Variants in EVL observed in about 807,000 individuals in gnomAD.
EVL encodes the protein Enah/Vasp-like.
EVL carries 21 observed loss-of-function variants against 59.6 expected under a neutral mutation model. The observed-to-expected ratio is 0.35, with a 90% CI of 0.25 to 0.51. EVL has a LOEUF of 0.51. Among genes scored for constraint, EVL ranks in the 20% least tolerant of loss-of-function variants. The pLI is 0.97. For missense variants in EVL, 462 were observed against 546.6 expected (o/e 0.85, Z 1.54); for synonymous variants, 198 against 203.5 (o/e 0.97, Z 0.23).
At chr14:99,975,604 G>T (rs900574022) in intron 1 of EVL, among the ~76,000 whole-genome samples, 5 of 152,186 alleles carry the variant, frequency 3.3e-5, no homozygotes, top group African/African-American at 1.2e-4. Flanking sequence ...GATCATCAGG[G>T]ATTAGCTTCT....
At chr14:100,011,739 AG>A (rs1437003767) in intron 1 of EVL, among the ~76,000 whole-genome samples, 4 of 152,224 alleles carry the variant, frequency 2.6e-5, no homozygotes, top group African/African-American at 9.6e-5. Context: ...TCACGTGGAT[AG>A]TAAGTTGCTC....
intron 4 of EVL, among the ~76,000 whole-genome samples, chr14:100,124,762 C>T (rs867831585): frequency 7.2e-5 from 11 of 152,176 alleles, no homozygotes; most frequent in Admixed American, 6.5e-4. Context: ...TCATTTCTCT[C>T]GAAACTGCTT....
chr14:99,983,490 T>C (rs1200684999), intron 1 of EVL, among the ~76,000 whole-genome samples: 5 of 152,174 alleles, frequency 3.3e-5, no homozygotes, highest in African/African-American at 9.7e-5. Flanking sequence ...AAAGAGACAG[T>C]GGACCTTACA....
chr14:100,124,239 T>G (rs1444329890), intron 4 of EVL, among the ~76,000 whole-genome samples: 2 of 152,178 alleles, frequency 1.3e-5, no homozygotes, highest in Non-Finnish European at 2.9e-5. Context: ...GGCCCGGGCC[T>G]TCCTCACTCA....
chr14:100,065,110 A>C (rs201051285), upstream of EVL, among the ~76,000 whole-genome samples: 1 of 92,380 alleles, frequency 1.1e-5, no homozygotes, highest in African/African-American at 3.3e-5. Context: ...GACTTAGACT[A>C]TAGAGCTAGT....
At chr14:100,007,794 G>A (rs1362517814) in intron 1 of EVL, among the ~76,000 whole-genome samples, 2 of 151,488 alleles carry the variant, frequency 1.3e-5, no homozygotes, top group South Asian at 4.2e-4. Context: ...AGAGAGAGAG[G>A]GAGAGACAGA....
rs1449375296 is a variant in EVL at position 100,102,526 on chromosome 14, G to A, written c.358+4868G>A. On this transcript the variant is annotated intron_variant, in intron 3 of 13. Coordinates refer to ENST00000392920, the MANE Select transcript of EVL (RefSeq NM_016337.3). ...TTCTGCTGGAGAAACTTCTTGTTTA[G>A]CTTCTAGAGCCATGTTGGTGGGTCA... 8.1e-6 allele frequency: 3 copies of A among 372,196 alleles called. No individual in the cohort carries two copies. The Admixed American group carries it at 9.6e-5, about 12-fold the overall frequency. The allele number at this position is 372,196 out of a possible 1,614,324, so 23.1% of individuals were successfully genotyped here. A position where few individuals can be genotyped will look rare whatever the true frequency, so the allele number is the denominator to read the frequency against.
intron 3 of EVL, 108 bp downstream of exon 3, chr14:100,097,766 C>G (rs1217747898): frequency 1.9e-6 from 2 of 1,059,030 alleles, no homozygotes; most frequent in African/African-American, 3.2e-5. Flanking sequence ...CTGCATTGAG[C>G]TGAGGTTGCA....
intron 1 of EVL, among the ~76,000 whole-genome samples, chr14:100,036,874 T>C (rs1004890577): frequency 6.6e-6 from 1 of 152,092 alleles, no homozygotes; most frequent in Non-Finnish European, 1.5e-5. Flanking sequence ...GATAGGGCCT[T>C]TAAGGATGTA....
intron 1 of EVL, among the ~76,000 whole-genome samples, chr14:99,987,965 A>AG (rs2060850113): frequency 8.4e-6 from 1 of 119,344 alleles, no homozygotes; most frequent in Admixed American, 1.2e-4. Context: ...CCCAGGCTGG[A>AG]GTGCAATGGC....
At chr14:100,120,021 G>A (rs918688462) in intron 3 of EVL, among the ~76,000 whole-genome samples, 3 of 152,188 alleles carry the variant, frequency 2.0e-5, no homozygotes, top group African/African-American at 7.2e-5. Flanking sequence ...CTAGCAGAAA[G>A]GCATCTGAAA....
intron 4 of EVL, among the ~76,000 whole-genome samples, 158 bp downstream of exon 4, chr14:100,123,760 AAG>A (rs879776452): frequency 6.6e-6 from 1 of 152,208 alleles, no homozygotes; most frequent in Non-Finnish European, 1.5e-5. Flanking sequence ...ACCAGGAAGA[AAG>A]AGGGGGCCGA....
At chr14:100,001,320 A>G (rs1041291804) in intron 1 of EVL, among the ~76,000 whole-genome samples, 19 of 152,348 alleles carry the variant, frequency 1.2e-4, no homozygotes, top group Middle Eastern at 3.4e-3. Flanking sequence ...TTGGAAACTT[A>G]TAGCCAGGAA....
intron 1 of EVL, among the ~76,000 whole-genome samples, chr14:100,021,722 T>C (rs1007356063): frequency 1.3e-5 from 2 of 152,168 alleles, no homozygotes; most frequent in Non-Finnish European, 2.9e-5. Context: ...CCCAGGTGAG[T>C]CTGATGCTGC....
At chr14:100,125,105 C>G (rs1030361620) in intron 4 of EVL, among the ~76,000 whole-genome samples, 1 of 150,264 alleles carries the variant, frequency 6.7e-6, no homozygotes, top group African/African-American at 2.5e-5. Flanking sequence ...GACACACACA[C>G]CTGCCCCAAG....
chr14:100,114,360 G>C lies in EVL; in HGVS notation c.359-9179G>C, dbSNP rs1377372152. On this transcript the variant is annotated intron_variant, in intron 3 of 13. Transcript: ENST00000392920. This position sits in a 1 kb window ranked among gnomAD's most constrained non-coding sequence, Gnocchi z 5.0. ...GGTTAAGAGGAGTGCCACCTACAGG[G>C]TATCTCTTGGCAGACACCTGGTGTC... is the stretch of plus-strand genomic sequence containing the variant. Among the ~76,000 whole-genome samples the C allele has an allele frequency of 6.6e-6, 1 of 152,078 alleles. No individual in the cohort carries two copies. The highest frequency in any genetic ancestry group is 2.4e-5 in the African/African-American group (1 of 41,422).
At chr14:100,016,879 A>G (rs1462164581) in intron 1 of EVL, among the ~76,000 whole-genome samples, 1 of 152,158 alleles carries the variant, frequency 6.6e-6, no homozygotes, top group East Asian at 1.9e-4. Context: ...TTGCTTGGCC[A>G]TGAAATTTGG....
At chr14:100,029,001 A>G (rs977898966) in intron 1 of EVL, among the ~76,000 whole-genome samples, 4 of 152,220 alleles carry the variant, frequency 2.6e-5, no homozygotes, top group African/African-American at 9.6e-5. Flanking sequence ...TTTTGAGGAT[A>G]ATGTATAGGA....
intron 2 of EVL, among the ~76,000 whole-genome samples, chr14:100,086,037 G>A (rs2062435074): frequency 6.6e-6 from 1 of 152,176 alleles, no homozygotes. Flanking sequence ...GCTGAGGCAG[G>A]AGAATGGCGT....
Sources: gnomAD v4.1 joint callset for allele counts (sites outside exome capture counted in the v4.1 genomes callset) on GRCh38, gnomAD v4.1.1 for gene constraint, Gnocchi (gnomAD v3.1) non-coding constraint, MANE v1.5 for transcripts, NCBI Gene and HGNC (gene_info 2026-07-23, HGNC 2026-07-21) for gene names.